SGCZ: variants seen among roughly 807,000 people sequenced by gnomAD.
SGCZ encodes sarcoglycan zeta.
In SGCZ, 40 loss-of-function variants were observed where a neutral mutation model predicts 41.3. The ratio of observed to expected loss-of-function variants is 0.97; its 90% confidence interval spans 0.75 to 1.26. The LOEUF is 1.26. Ranked by LOEUF, SGCZ falls within the 50% of genes most tolerant of loss-of-function variation. The pLI is 0.00. For missense variants in SGCZ, 552 were observed against 369.8 expected, an observed-to-expected ratio of 1.49 and a Z score of -4.04; for synonymous variants, 206 against 137.5, an observed-to-expected ratio of 1.50 and a Z score of -3.49.
At chr8:14,882,868 G>A (rs114760591) in intron 1 of SGCZ, among the ~76,000 whole-genome samples, 7,518 of 151,942 alleles carry the variant, frequency 0.049, 217 homozygotes, top group Non-Finnish European at 0.061. Flanking sequence ...ACTTTGTTAT[G>A]TTCTCCCTCC....
intron 2 of SGCZ, among the ~76,000 whole-genome samples, chr8:14,520,667 G>C (rs923747505): frequency 4.6e-5 from 7 of 152,066 alleles, no homozygotes; most frequent in African/African-American, 1.7e-4. Context: ...ATAAAAGAGA[G>C]AAGTGATTAA....
intron 3 of SGCZ, among the ~76,000 whole-genome samples, chr8:14,274,178 T>G (rs28449644): frequency 0.032 from 4,884 of 152,248 alleles, 96 homozygotes; most frequent in African/African-American, 0.053. Flanking sequence ...TGTTTTTGCT[T>G]TTTCAAACGG....
At chr8:14,276,206 G>A (rs145755526) in intron 3 of SGCZ, among the ~76,000 whole-genome samples, 12 of 152,120 alleles carry the variant, frequency 7.9e-5, no homozygotes, top group Admixed American at 6.5e-4. Context: ...TGCTTCTTTT[G>A]CAAGTCCTGT....
chr8:15,064,381 C>A (rs755147615), intron 1 of SGCZ, among the ~76,000 whole-genome samples: 4 of 152,062 alleles, frequency 2.6e-5, no homozygotes, highest in Non-Finnish European at 5.9e-5. Context: ...TCTCCTATCC[C>A]CGCACATATA....
At chr8:14,347,437 C>G (rs1802927095) in intron 2 of SGCZ, among the ~76,000 whole-genome samples, 1 of 151,940 alleles carries the variant, frequency 6.6e-6, no homozygotes. Flanking sequence ...AATTTAGTAA[C>G]AGGAAAAAAG....
At chr8:14,153,921 TCTCACACACACACACACAGA>T (rs1413751658) in intron 5 of SGCZ, among the ~76,000 whole-genome samples, 1 of 117,100 alleles carries the variant, frequency 8.5e-6, no homozygotes, top group Admixed American at 8.9e-5. Context: ...TCTCTCTCTC[TCTCACACACACACACACAGA>T]CACACACACA....
At chr8:14,602,954 A>C (rs1805639892) in intron 1 of SGCZ, among the ~76,000 whole-genome samples, 1 of 152,326 alleles carries the variant, frequency 6.6e-6, no homozygotes, top group Non-Finnish European at 1.5e-5. Flanking sequence ...GGTATTGGGA[A>C]ATCATACACT....
intron 5 of SGCZ, among the ~76,000 whole-genome samples, chr8:14,124,881 G>A (rs369201598): frequency 1.3e-5 from 2 of 152,100 alleles, no homozygotes; most frequent in Admixed American, 6.6e-5. Context: ...TTCATGTGAT[G>A]ACACAAATAA....
intron 1 of SGCZ, among the ~76,000 whole-genome samples, chr8:14,858,362 T>A (rs997236577): frequency 6.6e-6 from 1 of 152,070 alleles, no homozygotes; most frequent in Non-Finnish European, 1.5e-5. Context: ...AGTAACATTG[T>A]TTGACGCTTT....
intron 1 of SGCZ, among the ~76,000 whole-genome samples, chr8:15,079,085 A>G (rs1355123277): frequency 6.6e-6 from 1 of 152,032 alleles, no homozygotes; most frequent in Non-Finnish European, 1.5e-5. Flanking sequence ...TTCCTCCCAA[A>G]TCTAGCCTCT....
chr8:14,966,817 A>T (rs527806074), intron 1 of SGCZ, among the ~76,000 whole-genome samples: 1 of 152,290 alleles, frequency 6.6e-6, no homozygotes, highest in African/African-American at 2.4e-5. Context: ...CAATATTTCA[A>T]TAGAATATTT....
intron 1 of SGCZ, among the ~76,000 whole-genome samples, chr8:14,606,055 G>A (rs570783738): frequency 1.6e-4 from 24 of 151,604 alleles, no homozygotes; most frequent in African/African-American, 4.1e-4. Context: ...AAGTCTTGCC[G>A]ATTACACCTT....
At chr8:15,003,527 G>A (rs972712464) in intron 1 of SGCZ, among the ~76,000 whole-genome samples, 8 of 152,106 alleles carry the variant, frequency 5.3e-5, no homozygotes, top group African/African-American at 1.9e-4. Flanking sequence ...TGCAAAATAA[G>A]TTAGTCAAAC....
intron 2 of SGCZ, among the ~76,000 whole-genome samples, chr8:14,416,325 A>G (rs1387211891): frequency 1.3e-5 from 2 of 151,978 alleles, no homozygotes; most frequent in African/African-American, 4.8e-5. Flanking sequence ...GAGAAAAACT[A>G]TACAGTATTT....
intron 2 of SGCZ, among the ~76,000 whole-genome samples, chr8:14,437,207 TG>T (rs1372351353): frequency 1.3e-5 from 2 of 152,286 alleles, no homozygotes; most frequent in East Asian, 1.9e-4. Context: ...GATTATGCAA[TG>T]GATCTGGCAG....
intron 1 of SGCZ, among the ~76,000 whole-genome samples, chr8:15,210,801 C>A (rs1801211623): frequency 6.6e-6 from 1 of 152,122 alleles, no homozygotes. Flanking sequence ...CACCTACTCT[C>A]TGAAAGCAAT....
intron 3 of SGCZ, among the ~76,000 whole-genome samples, chr8:14,287,582 A>G (rs1015445735): frequency 2.6e-5 from 4 of 152,136 alleles, no homozygotes; most frequent in African/African-American, 9.7e-5. Context: ...TGCTCTTTGA[A>G]CTAGCATTGC....
chr8:14,114,440 G>C (rs922113075), intron 5 of SGCZ, among the ~76,000 whole-genome samples: 1 of 151,848 alleles, frequency 6.6e-6, no homozygotes, highest in African/African-American at 2.4e-5. Flanking sequence ...AAGCAAAAAA[G>C]AACACCATAT....
intron 1 of SGCZ, among the ~76,000 whole-genome samples, chr8:14,618,648 A>G (rs1806184660): frequency 6.6e-6 from 1 of 152,234 alleles, no homozygotes; most frequent in Non-Finnish European, 1.5e-5. Flanking sequence ...AGGATTTTAA[A>G]GAGCGGGATA....
Sources: gnomAD v4.1 joint callset for allele counts (sites outside exome capture counted in the v4.1 genomes callset) on GRCh38, gnomAD v4.1.1 for gene constraint, MANE v1.5 for transcripts, NCBI Gene and HGNC (gene_info 2026-07-23, HGNC 2026-07-21) for gene names.